GALNTL6: variants seen among roughly 807,000 people sequenced by gnomAD.
The protein encoded by GALNTL6 is polypeptide N-acetylgalactosaminyltransferase like 6.
GALNTL6 carries 46 observed loss-of-function variants against 73.7 expected under a neutral mutation model. The observed-to-expected ratio is 0.62, with a 90% CI of 0.49 to 0.80. GALNTL6 has a LOEUF of 0.80. Ranked by LOEUF, GALNTL6 falls within the 30% of genes least tolerant of loss-of-function variation. The pLI, the probability that GALNTL6 is intolerant of heterozygous loss-of-function variation, is 0.00. For missense variants in GALNTL6, 604 were observed against 755.0 expected, an observed-to-expected ratio of 0.80 and a Z score of 2.34; for synonymous variants, 259 against 263.7, an observed-to-expected ratio of 0.98 and a Z score of 0.17.
chr4:172,433,977 A>G (rs1561081291), intron 5 of GALNTL6, among the ~76,000 whole-genome samples: 1 of 152,090 alleles, frequency 6.6e-6, no homozygotes, highest in South Asian at 2.1e-4. Flanking sequence ...ACTAAAACAG[A>G]TAAGCTCTGT....
At chr4:172,150,863 T>A (rs1579186841) in intron 2 of GALNTL6, among the ~76,000 whole-genome samples, 1 of 152,350 alleles carries the variant, frequency 6.6e-6, no homozygotes, top group East Asian at 1.9e-4. Flanking sequence ...ATGTTGTATT[T>A]TAACTGTGGA....
At chr4:172,359,471 A>G (rs990149789) in intron 5 of GALNTL6, among the ~76,000 whole-genome samples, 4 of 152,210 alleles carry the variant, frequency 2.6e-5, no homozygotes, top group Admixed American at 6.5e-5. Flanking sequence ...GTTTACTTAT[A>G]TAACAAACCT....
intron 5 of GALNTL6, among the ~76,000 whole-genome samples, chr4:172,540,059 T>A (rs1735495085): frequency 6.8e-6 from 1 of 146,728 alleles, no homozygotes; most frequent in Non-Finnish European, 1.5e-5. Context: ...TTCTTTTTTT[T>A]TTTTTTTTTT....
At chr4:172,125,208 C>G (rs919061396) in intron 2 of GALNTL6, among the ~76,000 whole-genome samples, 1 of 152,016 alleles carries the variant, frequency 6.6e-6, no homozygotes, top group East Asian at 1.9e-4. Context: ...ACTTGAGAAG[C>G]TTCAAGAGGA....
chr4:172,327,053 C>A (rs2111173833), intron 4 of GALNTL6, among the ~76,000 whole-genome samples: 1 of 151,976 alleles, frequency 6.6e-6, no homozygotes, highest in African/African-American at 2.4e-5. Context: ...TTGCTATAAG[C>A]TAATCGATTA....
At chr4:172,368,720 A>G (rs1231465333) in intron 5 of GALNTL6, among the ~76,000 whole-genome samples, 1 of 147,270 alleles carries the variant, frequency 6.8e-6, no homozygotes, top group Non-Finnish European at 1.5e-5. Flanking sequence ...AGATGTTCAG[A>G]TGTGTCTGGA....
At chr4:172,605,548 CAT>C (rs1738220845) in intron 5 of GALNTL6, among the ~76,000 whole-genome samples, 1 of 152,020 alleles carries the variant, frequency 6.6e-6, no homozygotes, top group African/African-American at 2.4e-5. Context: ...ATAATTTAAA[CAT>C]ATTAAGAACT....
chr4:172,141,344 G>A (rs1036853789), intron 2 of GALNTL6, among the ~76,000 whole-genome samples: 4 of 151,998 alleles, frequency 2.6e-5, no homozygotes, highest in African/African-American at 9.7e-5. Context: ...TCAATCTGTT[G>A]AGGAAGGCAG....
At chr4:172,483,565 A>C (rs2111487770) in intron 5 of GALNTL6, among the ~76,000 whole-genome samples, 1 of 152,324 alleles carries the variant, frequency 6.6e-6, no homozygotes, top group East Asian at 1.9e-4. Context: ...GAGATGAAAA[A>C]AATTCATTTG....
intron 5 of GALNTL6, among the ~76,000 whole-genome samples, chr4:172,522,348 C>A (rs563320457): frequency 6.6e-6 from 1 of 152,248 alleles, no homozygotes; most frequent in East Asian, 1.9e-4. Context: ...CATTTAACTT[C>A]TCTTCCATTC....
intron 5 of GALNTL6, among the ~76,000 whole-genome samples, chr4:172,795,788 C>A (rs1740229444): frequency 6.6e-6 from 1 of 151,976 alleles, no homozygotes; most frequent in Non-Finnish European, 1.5e-5. Flanking sequence ...ACTACTTTTA[C>A]CTCCAGGAGT....
chr4:172,888,154 G>T (rs1013861908), intron 8 of GALNTL6, among the ~76,000 whole-genome samples: 4 of 152,186 alleles, frequency 2.6e-5, no homozygotes, highest in Non-Finnish European at 2.9e-5. Flanking sequence ...GTACTCTGTT[G>T]ATAGTTTCTT....
intron 4 of GALNTL6, among the ~76,000 whole-genome samples, chr4:172,312,350 A>G (rs2111146461): frequency 6.6e-6 from 1 of 152,010 alleles, no homozygotes; most frequent in East Asian, 1.9e-4. Context: ...ACTTACCCCA[A>G]ATCCATCTTT....
intron 5 of GALNTL6, among the ~76,000 whole-genome samples, chr4:172,480,504 G>A (rs1326152486): frequency 6.6e-6 from 1 of 152,116 alleles, no homozygotes; most frequent in African/African-American, 2.4e-5. Context: ...AAGTAACTAC[G>A]ATGTAAAAGA....
In GALNTL6 at chr4:171,900,518, C is replaced by T. The variant is rs909641946; in HGVS notation, c.138+85800C>T. ...TTTTTTTAGTAGAGATGGGGTTTCA[C>T]CATGTTAACCAGGATGGTGTCAATC... On this transcript the variant is annotated intron_variant, in intron 2 of 12. Coordinates refer to ENST00000506823, the MANE Select transcript of GALNTL6 (RefSeq NM_001034845.3). Among the ~76,000 whole-genome samples the T allele has an allele frequency of 4.6e-5, 7 of 150,858 alleles. No homozygotes were observed. The East Asian group carries it at 5.8e-4, about 13-fold the overall frequency.
chr4:172,092,843 C>A (rs977165804), intron 2 of GALNTL6, among the ~76,000 whole-genome samples: 1 of 148,342 alleles, frequency 6.7e-6, no homozygotes, highest in Admixed American at 6.7e-5. Flanking sequence ...TATCAGTTTA[C>A]TATTAAGGCT....
At chr4:172,791,163 A>G (rs1227882305) in intron 5 of GALNTL6, among the ~76,000 whole-genome samples, 17 of 152,212 alleles carry the variant, frequency 1.1e-4, no homozygotes. Flanking sequence ...CGATGATAGA[A>G]AACTGTGGTC....
At chr4:172,482,053 G>A (rs562787880) in intron 5 of GALNTL6, among the ~76,000 whole-genome samples, 13 of 152,172 alleles carry the variant, frequency 8.5e-5, no homozygotes, top group Non-Finnish European at 1.3e-4. Flanking sequence ...GAATTCGAGC[G>A]CAGCGCAGGT....
intron 5 of GALNTL6, among the ~76,000 whole-genome samples, chr4:172,372,481 A>G (rs1296268957): frequency 6.6e-6 from 1 of 152,122 alleles, no homozygotes; most frequent in Non-Finnish European, 1.5e-5. Flanking sequence ...TGACACTAAG[A>G]TGGCCACCGC....
Sources: allele counts gnomAD v4.1 joint callset (sites outside exome capture counted in the v4.1 genomes callset), GRCh38; gene constraint gnomAD v4.1.1; transcripts MANE v1.5; gene names NCBI Gene and HGNC (gene_info 2026-07-23, HGNC 2026-07-21).